VNN1: variants seen among roughly 807,000 people sequenced by gnomAD.
The protein encoded by VNN1 is vanin 1.
Under a neutral mutation model 41.9 loss-of-function variants are expected in VNN1, and 29 were observed. The observed-to-expected ratio is 0.69, with a 90% CI of 0.52 to 0.94. The LOEUF (loss-of-function observed/expected upper bound fraction) is 0.94. Ranked by LOEUF, VNN1 falls within the 40% of genes least tolerant of loss-of-function variation. VNN1 has a pLI of 0.00. For missense variants in VNN1, 637 were observed against 621.1 expected (o/e 1.03, Z -0.27); for synonymous variants, 233 against 224.4 (o/e 1.04, Z -0.34).
chr6:132,696,035 C>T (rs979060202), intron 2 of VNN1, among the ~76,000 whole-genome samples: 4 of 152,048 alleles, frequency 2.6e-5, no homozygotes, highest in African/African-American at 9.7e-5. Flanking sequence ...ACATGACAGA[C>T]CTACTAAACA....
intron 5 of VNN1, among the ~76,000 whole-genome samples, chr6:132,686,445 C>CA (rs61306387): frequency 0.028 from 4,213 of 151,562 alleles, 195 homozygotes; most frequent in African/African-American, 0.097. Flanking sequence ...GAGACTCTCT[C>CA]AAAAAAAACA....
At chr6:132,699,155 T>A (rs1778415803) in intron 2 of VNN1, 3 of 369,472 alleles carry the variant, frequency 8.1e-6, no homozygotes, top group Non-Finnish European at 1.6e-5. Context: ...AATAGGTGAA[T>A]ATAGGTTCAC....
intron 1 of VNN1, among the ~76,000 whole-genome samples, chr6:132,712,881 T>A (rs1778624722): frequency 1.3e-5 from 2 of 152,298 alleles, no homozygotes; most frequent in Admixed American, 1.3e-4. Context: ...ATGCCTGTAA[T>A]CCCAGCACTT....
At chr6:132,692,686 C>G in intron 4 of VNN1, 102 bp from the exon 5 acceptor site, 2 of 1,384,708 alleles carry the variant, frequency 1.4e-6, no homozygotes, top group Non-Finnish European at 1.9e-6. Context: ...TTTACTCTCT[C>G]TAAGTTATAT....
chr6:132,693,115 C>T lies in VNN1; in HGVS notation c.735G>A (p.Leu245=), dbSNP rs1778315855. 1 of 1,613,968 alleles carries T rather than the reference C, an allele frequency of 6.2e-7. No homozygotes were observed. Among genetic ancestry groups the T allele is most frequent in the Admixed American group, 1.7e-5 (1 of 59,992 alleles). The change falls in exon 4 of 7, where the codon TTG becomes TTA. Residue 245 remains leucine (L), a synonymous_variant. Transcript: ENST00000367928. ...PTAWMNVLPH[L]SAVEFHSAWA... ...AAGCTGAGTGGAATTCAACAGCTGA[C>T]AAATGTGGCAAAACATTCATCCAAG...
intron 2 of VNN1, chr6:132,699,112 A>G: frequency 3.3e-6 from 1 of 304,282 alleles, no homozygotes; most frequent in South Asian, 3.9e-5. Flanking sequence ...TAGAAGAGGA[A>G]AGGGATGTCC....
chr6:132,708,706 C>A (rs1187177483), intron 2 of VNN1, among the ~76,000 whole-genome samples: 1 of 152,200 alleles, frequency 6.6e-6, no homozygotes, highest in African/African-American at 2.4e-5. Context: ...TTCTCAATAC[C>A]TAAACTTCTA....
intron 3 of VNN1, among the ~76,000 whole-genome samples, chr6:132,693,606 GT>G (rs1293000338): frequency 6.6e-6 from 1 of 152,196 alleles, no homozygotes; most frequent in Non-Finnish European, 1.5e-5. Flanking sequence ...AGACTTAACT[GT>G]TTTCCTTGGC....
At position 132,683,105 on chromosome 6, in the gene VNN1, A is replaced by G; in HGVS notation, c.*35T>C. ...TCTTTTCTCATCCATCATTTTTTAA[A>G]TTATCCCAAATAAAAAAGAGAAAAA... On this transcript the variant is annotated 3_prime_UTR_variant, in exon 7 of 7. Coordinates refer to ENST00000367928, the MANE Select transcript of VNN1 (RefSeq NM_004666.3). 2 of 1,553,424 alleles carry G rather than the reference A, an allele frequency of 1.3e-6. No homozygotes were observed. The highest frequency in any genetic ancestry group is 8.7e-7 in the Non-Finnish European group (1 of 1,148,230).
Position 132,694,187 on chromosome 6 carries a change from T to A in VNN1, c.342-5A>T. The A allele has an allele frequency of 6.4e-7, 1 of 1,567,178 alleles. No homozygotes were observed. The highest frequency in any genetic ancestry group is 8.6e-7 in the Non-Finnish European group (1 of 1,158,674). ...TGTACTGGGGTCTGGCCAAATCTGA[T>A]ACATGTTTATTGGAGGAAAAAAATC... On this transcript the variant is annotated splice_polypyrimidine_tract_variant and splice_region_variant and intron_variant, in intron 2 of 6. Transcript: ENST00000367928.
At chr6:132,702,764 T>A (rs1326727371) in intron 2 of VNN1, among the ~76,000 whole-genome samples, 1 of 152,130 alleles carries the variant, frequency 6.6e-6, no homozygotes, top group Non-Finnish European at 1.5e-5. Context: ...AGACATACAC[T>A]AGGCTATAAG....
chr6:132,711,924 C>T, intron 1 of VNN1, 85 bp from the exon 2 acceptor site: 1 of 1,336,406 alleles, frequency 7.5e-7, no homozygotes, highest in East Asian at 2.5e-5. Context: ...ATTTGGGCTT[C>T]CCCCACACCC....
In VNN1 at chr6:132,681,355, C is replaced by T. The variant is rs1379525869; in HGVS notation, c.*1785G>A. Among the ~76,000 whole-genome samples the T allele has an allele frequency of 6.6e-6, 1 of 152,142 alleles. No homozygotes were observed. The highest frequency in any genetic ancestry group is 1.5e-5 in the Non-Finnish European group (1 of 68,034). On this transcript the variant is annotated 3_prime_UTR_variant, in exon 7 of 7. Transcript: ENST00000367928. Reference sequence around the variant, plus strand: ...GAGTGAGCTGAGAAGCAGATTTTCTCCAGCCCCACCCGAGCCTTGAGATGA... The same window carrying T: ...GAGTGAGCTGAGAAGCAGATTTTCTTCAGCCCCACCCGAGCCTTGAGATGA...
chr6:132,683,394 A>G (rs1398689501), intron 6 of VNN1, 72 bp from the exon 7 acceptor site: 1 of 1,446,486 alleles, frequency 6.9e-7, no homozygotes, highest in East Asian at 2.4e-5. Context: ...TTTAAAATTT[A>G]CTATAACAGA....
intron 6 of VNN1, 115 bp downstream of exon 6, chr6:132,684,220 T>C: frequency 1.8e-6 from 2 of 1,115,724 alleles, no homozygotes; most frequent in Non-Finnish European, 2.5e-6. Flanking sequence ...CCAAGGATAA[T>C]CTTAACCTTT....
At position 132,694,739 on chromosome 6, in the gene VNN1, GT is replaced by G. The variant is rs1237185851; in HGVS notation, c.342-558del. Among the ~76,000 whole-genome samples the G allele has an allele frequency of 2.0e-5, 3 of 151,848 alleles. No individual in the cohort carries two copies. The East Asian group carries it at 5.8e-4, about 29-fold the overall frequency. ...TAGCCAGGCATAGTGGTGTGTGCCT[GT>G]AGTCTCAGATATTTGGGAGACTGAG... On this transcript the variant is annotated intron_variant, in intron 2 of 6. Coordinates refer to ENST00000367928, the MANE Select transcript of VNN1 (RefSeq NM_004666.3).
At chr6:132,711,126 C>T (rs941360708) in intron 2 of VNN1, among the ~76,000 whole-genome samples, 7 of 152,158 alleles carry the variant, frequency 4.6e-5, no homozygotes, top group Non-Finnish European at 8.8e-5. Context: ...ATAATTTTAG[C>T]CATGTGTATT....
At chr6:132,695,263 G>C (rs569196508) in intron 2 of VNN1, among the ~76,000 whole-genome samples, 205 of 152,244 alleles carry the variant, frequency 1.3e-3, no homozygotes, top group African/African-American at 4.5e-3. Context: ...TGCACTGTTG[G>C]AATCTGTCTA....
rs1282115651 is a variant in VNN1, at chr6:132,681,935, C to A, written c.*1205G>T. On this transcript the variant is annotated 3_prime_UTR_variant, in exon 7 of 7. Coordinates refer to ENST00000367928, the MANE Select transcript of VNN1 (RefSeq NM_004666.3). ...GCAGAAGGGCATGCTTTGCACAGTG[C>A]ATGGCTGTTATCGGTACTATGTAAT... is the stretch of plus-strand genomic sequence containing the variant. 1 of 152,528 alleles carries A rather than the reference C, an allele frequency of 6.6e-6. No individual in the cohort carries two copies. 9.4% of individuals were successfully genotyped at this position (152,528 alleles called of 1,614,324 possible). A position where few individuals can be genotyped will look rare whatever the true frequency, so the allele number is the denominator to read the frequency against.
Sources: gnomAD v4.1 joint callset for allele counts (sites outside exome capture counted in the v4.1 genomes callset) on GRCh38, gnomAD v4.1.1 for gene constraint, MANE v1.5 for transcripts, NCBI Gene and HGNC (gene_info 2026-07-23, HGNC 2026-07-21) for gene names.